The following MLLT10 variants were observed in gnomAD, a reference collection of about 807,000 sequenced individuals.
MLLT10 encodes the protein protein AF-10.
Under a neutral mutation model 129.1 loss-of-function variants are expected in MLLT10, and 30 were observed. The observed-to-expected ratio is 0.23, with a 90% CI of 0.17 to 0.32. The LOEUF (loss-of-function observed/expected upper bound fraction) is 0.32. Among genes scored for constraint, MLLT10 ranks in the 10% least tolerant of loss-of-function variants. The pLI is 1.00. For missense variants in MLLT10, 1,119 were observed against 1,268.3 expected (o/e 0.88, Z 1.79); for synonymous variants, 490 against 446.4 (o/e 1.10, Z -1.23).
intron 8 of MLLT10, among the ~76,000 whole-genome samples, chr10:21,636,568 T>A (rs1023684178): frequency 5.3e-5 from 8 of 151,614 alleles, no homozygotes; most frequent in Non-Finnish European, 1.0e-4. Context: ...TAATATGATT[T>A]CTTTTCTTTT....
chr10:21,582,284 ATT>A (rs775713095), intron 3 of MLLT10, among the ~76,000 whole-genome samples: 1 of 151,560 alleles, frequency 6.6e-6, no homozygotes, highest in Non-Finnish European at 1.5e-5. Context: ...CATGCAGCTA[ATT>A]TTTTTGTGTT....
intron 3 of MLLT10, among the ~76,000 whole-genome samples, chr10:21,552,564 G>A (rs1336885452): frequency 6.6e-6 from 1 of 151,038 alleles, no homozygotes; most frequent in Non-Finnish European, 1.5e-5. Flanking sequence ...GCTAGTTTTT[G>A]TATTTTTAAT....
rs113677373 is a variant in MLLT10, at chr10:21,661,406, C to G, written c.796-9043C>G. 2.8e-4 allele frequency among the ~76,000 whole-genome samples: 43 copies of G among 152,282 alleles called. 2 individuals are homozygous for G. Among genetic ancestry groups the G allele is most frequent in the African/African-American group, 9.6e-4 (40 of 41,574 alleles). ...TAATTTCTGGCTGCAGTATCAATTTCTATCAGTTTTTGCTTCATATATTTT... is the reference window on the plus strand; with the variant it reads ...TAATTTCTGGCTGCAGTATCAATTTGTATCAGTTTTTGCTTCATATATTTT... On this transcript the variant is annotated intron_variant, in intron 9 of 22. Coordinates refer to ENST00000307729, the MANE Select transcript of MLLT10 (RefSeq NM_001195626.3).
intron 3 of MLLT10, among the ~76,000 whole-genome samples, chr10:21,584,136 G>A (rs1366588671): frequency 6.6e-6 from 1 of 151,550 alleles, no homozygotes; most frequent in East Asian, 1.9e-4. Context: ...CCAAAGTGCT[G>A]GGAATACAGG....
chr10:21,724,898 C>T (rs1473614437), intron 14 of MLLT10, among the ~76,000 whole-genome samples: 1 of 152,192 alleles, frequency 6.6e-6, no homozygotes, highest in Non-Finnish European at 1.5e-5. Flanking sequence ...TGGTTAGCAA[C>T]ATGAATGAAT....
chr10:21,708,596 G>C, intron 13 of MLLT10: 12 of 985,006 alleles, frequency 1.2e-5, no homozygotes, highest in Non-Finnish European at 1.4e-5. Context: ...AGTAAACTGA[G>C]TACCAGATAT....
At chr10:21,708,552 T>C in intron 13 of MLLT10, 2 of 983,408 alleles carry the variant, frequency 2.0e-6, no homozygotes, top group Non-Finnish European at 2.4e-6. Context: ...AACATTTTGC[T>C]CTGTTTTTTT....
intron 5 of MLLT10, among the ~76,000 whole-genome samples, chr10:21,598,285 C>T (rs2043198714): frequency 1.3e-5 from 2 of 152,244 alleles, no homozygotes; most frequent in African/African-American, 4.8e-5. Context: ...CTGGTGGGAC[C>T]TCTTTAAGCT....
At position 21,742,521 on chromosome 10, in the gene MLLT10, T is replaced by C. The variant is rs530632986; in HGVS notation, c.*538T>C. On this transcript the variant is annotated 3_prime_UTR_variant, in exon 23 of 23. Coordinates refer to ENST00000307729, the MANE Select transcript of MLLT10 (RefSeq NM_001195626.3). ...GCACATCACCTGGGACTTGGCAATC[T>C]TTGTTAAAAAAAAATTTCCTTTCTA... 4.6e-6 allele frequency: 1 copy of C among 215,316 alleles called. No individual in the cohort carries two copies. The highest frequency in any genetic ancestry group is 2.3e-5 in the African/African-American group (1 of 44,324). The allele number at this position is 215,316 out of a possible 1,614,324, so 13.3% of individuals were successfully genotyped here.
chr10:21,683,390 TAAA>T (rs2052947940), intron 13 of MLLT10, among the ~76,000 whole-genome samples: 1 of 152,132 alleles, frequency 6.6e-6, no homozygotes. Flanking sequence ...TCCTTGAAAA[TAAA>T]ATAAACTTGT....
intron 15 of MLLT10, among the ~76,000 whole-genome samples, chr10:21,726,716 A>C (rs532953687): frequency 7.1e-6 from 1 of 139,878 alleles, no homozygotes; most frequent in Non-Finnish European, 1.5e-5. Flanking sequence ...TATTGTCTGA[A>C]ATGGAAATGT....
intron 5 of MLLT10, among the ~76,000 whole-genome samples, chr10:21,596,634 TA>T (rs61434459): frequency 0.032 from 4,586 of 141,722 alleles, 135 homozygotes; most frequent in African/African-American, 0.086. Flanking sequence ...TTCTTTCTAG[TA>T]AAAAAAAAAA....
chr10:21,706,616 C>G (rs1002842585), intron 13 of MLLT10, among the ~76,000 whole-genome samples: 2 of 152,126 alleles, frequency 1.3e-5, no homozygotes, highest in African/African-American at 4.8e-5. Flanking sequence ...CAGTCTTTTT[C>G]CTGAATAAGC....
At chr10:21,590,933 T>C (rs551028134) in intron 4 of MLLT10, among the ~76,000 whole-genome samples, 2 of 152,226 alleles carry the variant, frequency 1.3e-5, no homozygotes, top group Admixed American at 6.5e-5. Flanking sequence ...TTCTAACTTA[T>C]AAAGGTGGAA....
intron 3 of MLLT10, among the ~76,000 whole-genome samples, chr10:21,546,447 C>T (rs2130926769): frequency 6.6e-6 from 1 of 152,028 alleles, no homozygotes; most frequent in Non-Finnish European, 1.5e-5. Context: ...CTCTGTGGCC[C>T]AGGCTGGAGT....
At chr10:21,712,192 G>T (rs2131510972) in intron 13 of MLLT10, among the ~76,000 whole-genome samples, 1 of 92,798 alleles carries the variant, frequency 1.1e-5, no homozygotes, top group Non-Finnish European at 2.1e-5. Flanking sequence ...TATTATATAA[G>T]TCAATAACTT....
At chr10:21,556,710 G>A in intron 3 of MLLT10, 1 of 1,612,514 alleles carries the variant, frequency 6.2e-7, no homozygotes, top group Non-Finnish European at 8.5e-7. Flanking sequence ...GAACATCACT[G>A]CGCATGTGCA....
chr10:21,573,170 T>C (rs1190031176), intron 3 of MLLT10, among the ~76,000 whole-genome samples: 10 of 152,222 alleles, frequency 6.6e-5, no homozygotes, highest in Non-Finnish European at 1.5e-4. Flanking sequence ...TAATTCCTTT[T>C]ATTCTCTTCC....
At chr10:21,596,415 C>T (rs898584380) in intron 5 of MLLT10, among the ~76,000 whole-genome samples, 2 of 151,864 alleles carry the variant, frequency 1.3e-5, no homozygotes, top group East Asian at 3.9e-4. Flanking sequence ...ATTAAGCAAC[C>T]CTTTGTGGTT....
Sources: allele counts gnomAD v4.1 joint callset (sites outside exome capture counted in the v4.1 genomes callset), GRCh38; gene constraint gnomAD v4.1.1; transcripts MANE v1.5; gene names NCBI Gene and HGNC (gene_info 2026-07-23, HGNC 2026-07-21).